Variants in CNTNAP2 observed in about 807,000 individuals in gnomAD.
CNTNAP2 encodes contactin associated protein 2.
Under a neutral mutation model 155.2 loss-of-function variants are expected in CNTNAP2, and 98 were observed. The observed-to-expected ratio is 0.63, with a 90% CI of 0.54 to 0.75. CNTNAP2 has a LOEUF of 0.75. Ranked by LOEUF, CNTNAP2 falls within the 30% of genes least tolerant of loss-of-function variation. The probability of loss-of-function intolerance (pLI) is 0.00; values close to 1 mark genes in which losing one functional copy is unlikely to be tolerated. For missense variants in CNTNAP2, 1,727 were observed against 1,688.1 expected (o/e 1.02, Z -0.40); for synonymous variants, 651 against 631.2 (o/e 1.03, Z -0.47).
chr7:147,106,815 G>C (rs1255336261), intron 4 of CNTNAP2, among the ~76,000 whole-genome samples: 1 of 152,154 alleles, frequency 6.6e-6, no homozygotes, highest in African/African-American at 2.4e-5. Context: ...CATCTCTACT[G>C]TGGCCCCCAA....
chr7:146,996,380 T>C (rs1798308785), intron 3 of CNTNAP2, among the ~76,000 whole-genome samples: 1 of 152,112 alleles, frequency 6.6e-6, no homozygotes, highest in South Asian at 2.1e-4. Flanking sequence ...TTGTGTCTTC[T>C]TCAATATGTT....
At chr7:147,267,215 T>A (rs183089086) in intron 8 of CNTNAP2, among the ~76,000 whole-genome samples, 2 of 152,242 alleles carry the variant, frequency 1.3e-5, no homozygotes, top group Non-Finnish European at 2.9e-5. Flanking sequence ...CATATTCCTT[T>A]AGGTTACATC....
intron 3 of CNTNAP2, among the ~76,000 whole-genome samples, chr7:147,020,406 G>A (rs538726524): frequency 7.2e-5 from 11 of 152,202 alleles, no homozygotes; most frequent in East Asian, 1.9e-4. Context: ...TGATAGATGC[G>A]CACAAATTAT....
chr7:147,260,595 A>G (rs1413446973), intron 8 of CNTNAP2, among the ~76,000 whole-genome samples: 2 of 152,224 alleles, frequency 1.3e-5, no homozygotes, highest in Non-Finnish European at 2.9e-5. Flanking sequence ...ATGAAAATTA[A>G]TAGTGATACC....
intron 13 of CNTNAP2, among the ~76,000 whole-genome samples, chr7:147,848,907 T>G (rs577622802): frequency 2.6e-4 from 39 of 152,236 alleles, no homozygotes; most frequent in African/African-American, 8.4e-4. Context: ...AATTTTGTTT[T>G]TTTTTCTCAA....
chr7:147,965,022 C>T (rs1801181170), intron 14 of CNTNAP2, among the ~76,000 whole-genome samples: 1 of 152,112 alleles, frequency 6.6e-6, no homozygotes, highest in African/African-American at 2.4e-5. Flanking sequence ...CCCAAGAATC[C>T]TTTAATATGT....
chr7:146,156,430 C>T (rs1798127446), intron 1 of CNTNAP2, among the ~76,000 whole-genome samples: 1 of 152,080 alleles, frequency 6.6e-6, no homozygotes, highest in African/African-American at 2.4e-5. Flanking sequence ...GGAATGGCAA[C>T]TGTAGTGATT....
intron 20 of CNTNAP2, among the ~76,000 whole-genome samples, chr7:148,231,124 G>A (rs918234161): frequency 2.0e-5 from 3 of 152,160 alleles, no homozygotes; most frequent in Non-Finnish European, 2.9e-5. Context: ...TGGCTTTTCA[G>A]ACAGTATAAC....
At chr7:146,772,214 G>A (rs879760133) in intron 1 of CNTNAP2, among the ~76,000 whole-genome samples, 3 of 151,916 alleles carry the variant, frequency 2.0e-5, no homozygotes, top group Admixed American at 6.6e-5. Flanking sequence ...AGCAGGATGT[G>A]GATACAGAGA....
At chr7:147,561,211 A>G (rs1016441359) in intron 11 of CNTNAP2, among the ~76,000 whole-genome samples, 1 of 152,154 alleles carries the variant, frequency 6.6e-6, no homozygotes, top group Non-Finnish European at 1.5e-5. Flanking sequence ...TTAACACACA[A>G]CAACCCCTAA....
intron 8 of CNTNAP2, among the ~76,000 whole-genome samples, chr7:147,260,330 G>T (rs1804430441): frequency 1.3e-5 from 2 of 152,098 alleles, no homozygotes; most frequent in South Asian, 2.1e-4. Context: ...TTTGTTTCAG[G>T]TCTCTAAGAT....
chr7:147,415,541 C>T (rs913354449), intron 10 of CNTNAP2, among the ~76,000 whole-genome samples: 3 of 152,164 alleles, frequency 2.0e-5, no homozygotes, highest in Admixed American at 6.5e-5. Context: ...AAGAAAGTGC[C>T]TTGCTTCCCC....
At chr7:147,339,932 T>A (rs1012299660) in intron 9 of CNTNAP2, among the ~76,000 whole-genome samples, 3 of 152,166 alleles carry the variant, frequency 2.0e-5, no homozygotes, top group African/African-American at 7.2e-5. Flanking sequence ...TTGCTGTCTC[T>A]CTCAGATAAA....
At chr7:148,263,855 A>G (rs1371719587) in intron 20 of CNTNAP2, among the ~76,000 whole-genome samples, 1 of 152,194 alleles carries the variant, frequency 6.6e-6, no homozygotes. Flanking sequence ...GAGATCAACT[A>G]GGAATTTTAT....
intron 18 of CNTNAP2, among the ~76,000 whole-genome samples, chr7:148,182,096 A>G (rs1795048537): frequency 6.6e-6 from 1 of 150,968 alleles, no homozygotes; most frequent in Admixed American, 6.6e-5. Flanking sequence ...GTGTGGGGAC[A>G]CAGCTGAATT....
intron 11 of CNTNAP2, among the ~76,000 whole-genome samples, chr7:147,496,195 T>C (rs187479599): frequency 9.9e-6 from 1 of 101,192 alleles, no homozygotes; most frequent in African/African-American, 4.3e-5. Flanking sequence ...AAAATAAATG[T>C]ATGTACTTGA....
chr7:148,192,539 A>C (rs531505441), intron 18 of CNTNAP2, among the ~76,000 whole-genome samples: 21 of 151,980 alleles, frequency 1.4e-4, no homozygotes, highest in Non-Finnish European at 2.4e-4. Flanking sequence ...CCAAAAAAAA[A>C]AACAAAAAAC....
At chr7:146,508,648 C>T (rs1366561880) in intron 1 of CNTNAP2, among the ~76,000 whole-genome samples, 1 of 152,200 alleles carries the variant, frequency 6.6e-6, no homozygotes, top group Non-Finnish European at 1.5e-5. Flanking sequence ...TGACCAGTTT[C>T]CTAATCAAAC....
At chr7:147,346,433 C>T (rs982769039) in intron 9 of CNTNAP2, among the ~76,000 whole-genome samples, 2 of 152,052 alleles carry the variant, frequency 1.3e-5, no homozygotes, top group Non-Finnish European at 2.9e-5. Context: ...GGATTACAGG[C>T]GTGAGCCACC....
Sources: gnomAD v4.1 joint callset for allele counts (sites outside exome capture counted in the v4.1 genomes callset) on GRCh38, gnomAD v4.1.1 for gene constraint, MANE v1.5 for transcripts, NCBI Gene and HGNC (gene_info 2026-07-23, HGNC 2026-07-21) for gene names.